The following MYO3B variants were observed in gnomAD, a reference collection of about 807,000 sequenced individuals.
The protein encoded by MYO3B is myosin-IIIb.
In MYO3B, 156 loss-of-function variants were observed where a neutral mutation model predicts 174.6. The ratio of observed to expected loss-of-function variants is 0.89; its 90% CI spans 0.78 to 1.02. The LOEUF (loss-of-function observed/expected upper bound fraction) is 1.02. Among genes scored for constraint, MYO3B ranks in the 50% least tolerant of loss-of-function variants. The probability of loss-of-function intolerance (pLI) is 0.00; values close to 1 mark genes in which losing one functional copy is unlikely to be tolerated. For synonymous variants in MYO3B, 563 were observed against 569.1 expected (o/e 0.99, Z 0.15); for missense variants, 1,632 against 1,639.4 (o/e 1.00, Z 0.08).
At chr2:170,633,948 T>C (rs1697245552) in intron 32 of MYO3B, among the ~76,000 whole-genome samples, 1 of 152,174 alleles carries the variant, frequency 6.6e-6, no homozygotes, top group Non-Finnish European at 1.5e-5. Flanking sequence ...TACAAACCAC[T>C]GATCAACGAA....
At chr2:170,581,737 C>T (rs10515936) in intron 32 of MYO3B, among the ~76,000 whole-genome samples, 8,183 of 152,152 alleles carry the variant, frequency 0.054, 786 homozygotes, top group East Asian at 0.41. Flanking sequence ...TCTTGCTCAA[C>T]CCTCACAATT....
chr2:170,327,689 G>A (rs1404341946), intron 7 of MYO3B, among the ~76,000 whole-genome samples: 2 of 151,942 alleles, frequency 1.3e-5, no homozygotes, highest in Non-Finnish European at 2.9e-5. Context: ...TTAGCACTTA[G>A]CATGGATATC....
At chr2:170,369,883 A>C (rs2094227453) in intron 9 of MYO3B, among the ~76,000 whole-genome samples, 1 of 152,174 alleles carries the variant, frequency 6.6e-6, no homozygotes, top group Admixed American at 6.5e-5. Context: ...CTTTAGTTTC[A>C]AACTCTTTAG....
chr2:170,266,779 T>G (rs961163782), intron 7 of MYO3B, among the ~76,000 whole-genome samples: 1 of 152,222 alleles, frequency 6.6e-6, no homozygotes, highest in Non-Finnish European at 1.5e-5. Context: ...AGGTTTCTTC[T>G]GATGGCAATA....
chr2:170,544,218 C>T (rs945761157), intron 32 of MYO3B, among the ~76,000 whole-genome samples: 2 of 152,212 alleles, frequency 1.3e-5, no homozygotes, highest in African/African-American at 4.8e-5. Flanking sequence ...TTTCCATTTA[C>T]TTAACCTTAA....
rs150351626 is a variant in MYO3B, at chr2:170,533,199, C to T, written c.3576-9707C>T. 4.2e-3 allele frequency among the ~76,000 whole-genome samples: 632 copies of T among 152,210 alleles called. 2 individuals are homozygous for T. The highest frequency in any genetic ancestry group is 6.4e-3 in the Non-Finnish European group (435 of 68,016). On this transcript the variant is annotated intron_variant, in intron 30 of 34. Transcript: ENST00000408978. ...GGCTGTGACATTGCTGACTAGTCAG[C>T]ACTCACTGCACACAATCTTGTTTAG...
intron 32 of MYO3B, among the ~76,000 whole-genome samples, chr2:170,643,509 G>C (rs957478129): frequency 6.6e-6 from 1 of 152,186 alleles, no homozygotes; most frequent in Non-Finnish European, 1.5e-5. Flanking sequence ...GCAGAGCTCT[G>C]TAAATTAATT....
chr2:170,473,337 G>A (rs932897715), intron 25 of MYO3B, among the ~76,000 whole-genome samples: 3 of 151,400 alleles, frequency 2.0e-5, no homozygotes, highest in African/African-American at 7.3e-5. Flanking sequence ...TAGTAGAGAC[G>A]GGGTTTCACC....
chr2:170,616,542 AG>A (rs1258189835), intron 32 of MYO3B, among the ~76,000 whole-genome samples: 1 of 152,332 alleles, frequency 6.6e-6, no homozygotes, highest in Admixed American at 6.5e-5. Context: ...CAACAGTTTC[AG>A]GGGGTCTCCT....
intron 3 of MYO3B, among the ~76,000 whole-genome samples, chr2:170,202,231 C>T (rs562779089): frequency 6.6e-6 from 1 of 152,326 alleles, no homozygotes; most frequent in South Asian, 2.1e-4. Context: ...AGTAATGAAG[C>T]TGCCCTGAGA....
chr2:170,399,106 G>A (rs1389150014), intron 16 of MYO3B, among the ~76,000 whole-genome samples: 2 of 151,980 alleles, frequency 1.3e-5, no homozygotes, highest in African/African-American at 4.8e-5. Flanking sequence ...GCCGGGCGTG[G>A]TAGTGCATGT....
intron 7 of MYO3B, 126 bp downstream of exon 7, chr2:170,236,262 TC>T: frequency 3.9e-6 from 5 of 1,281,672 alleles, no homozygotes; most frequent in South Asian, 1.3e-5. Flanking sequence ...AAATATATTT[TC>T]TTTGAAAAAG....
chr2:170,457,593 T>A (rs1172831195), intron 23 of MYO3B, among the ~76,000 whole-genome samples: 1 of 152,170 alleles, frequency 6.6e-6, no homozygotes, highest in Non-Finnish European at 1.5e-5. Flanking sequence ...TAATGCCACA[T>A]CTTGTCCAAC....
intron 6 of MYO3B, among the ~76,000 whole-genome samples, chr2:170,228,987 A>ACTC (rs2092985335): frequency 6.7e-6 from 1 of 149,836 alleles, no homozygotes; most frequent in Non-Finnish European, 1.5e-5. Context: ...AAAAACAACG[A>ACTC]ATCTCAAATG....
At chr2:170,472,874 T>C (rs920537119) in intron 25 of MYO3B, among the ~76,000 whole-genome samples, 2 of 151,280 alleles carry the variant, frequency 1.3e-5, no homozygotes, top group African/African-American at 2.4e-5. Flanking sequence ...CTTATTTTTG[T>C]ATTTTTAGTA....
In MYO3B at chr2:170,597,508, C is replaced by G. The variant is rs1694231375; in HGVS notation, c.3733+53520C>G. On this transcript the variant is annotated intron_variant, in intron 32 of 34. Transcript: ENST00000408978. ...TTGTATTGCCTGGCCCTCCAGAGTACCCCTGGATCCTGCCTATTGTCCATG... is the reference window on the plus strand; with the variant it reads ...TTGTATTGCCTGGCCCTCCAGAGTAGCCCTGGATCCTGCCTATTGTCCATG... Among the ~76,000 whole-genome samples the G allele has an allele frequency of 1.3e-5, 2 of 152,112 alleles. 1 individual carries two copies. Among genetic ancestry groups the G allele is most frequent in the South Asian group, 4.1e-4 (2 of 4,822 alleles).
chr2:170,241,160 T>C (rs1440094838), intron 7 of MYO3B, among the ~76,000 whole-genome samples: 1 of 151,854 alleles, frequency 6.6e-6, no homozygotes, highest in African/African-American at 2.4e-5. Flanking sequence ...AAGCTCATTC[T>C]TGGTCTTGAG....
At chr2:170,532,062 A>G in intron 30 of MYO3B, among the ~76,000 whole-genome samples, 1 of 152,226 alleles carries the variant, frequency 6.6e-6, no homozygotes, top group East Asian at 1.9e-4. Context: ...CCTTAACCCA[A>G]GTGATGAAAG....
chr2:170,417,675 C>T (rs2094589786), intron 22 of MYO3B, among the ~76,000 whole-genome samples: 1 of 152,184 alleles, frequency 6.6e-6, no homozygotes, highest in East Asian at 1.9e-4. Context: ...CGTTGGTGTT[C>T]CTTGTTTCTG....
Sources: allele counts gnomAD v4.1 joint callset (sites outside exome capture counted in the v4.1 genomes callset), GRCh38; gene constraint gnomAD v4.1.1; transcripts MANE v1.5; gene names NCBI Gene and HGNC (gene_info 2026-07-23, HGNC 2026-07-21).